The following CFAP69 variants were observed in gnomAD, a reference collection of about 807,000 sequenced individuals.
CFAP69 encodes the protein cilia and flagella associated protein 69.
CFAP69 carries 92 observed loss-of-function variants against 123.0 expected under a neutral mutation model. The ratio of observed to expected loss-of-function variants is 0.75; its 90% CI spans 0.63 to 0.89. The LOEUF (loss-of-function observed/expected upper bound fraction) is 0.89, where lower values mean the gene tolerates loss of function less well. Ranked by LOEUF, CFAP69 falls within the 40% of genes least tolerant of loss-of-function variation. CFAP69 has a pLI of 0.00. For missense variants in CFAP69, 1,067 were observed against 1,096.9 expected (o/e 0.97, Z 0.39); for synonymous variants, 380 against 364.3 (o/e 1.04, Z -0.49).
intron 1 of CFAP69, among the ~76,000 whole-genome samples, chr7:90,252,987 A>G (rs1007649798): frequency 2.0e-5 from 3 of 152,232 alleles, no homozygotes; most frequent in African/African-American, 7.2e-5. Flanking sequence ...GAAATTGTGT[A>G]AAATACTTAT....
Position 90,310,428 on chromosome 7 carries a change from G to A in CFAP69, c.*190G>A, listed in dbSNP as rs1173996431. 5 of 322,222 alleles carry A rather than the reference G, an allele frequency of 1.6e-5. No homozygotes were observed. The allele number at this position is 322,222 out of a possible 1,614,324, so 20.0% of individuals were successfully genotyped here. A position where few individuals can be genotyped will look rare whatever the true frequency, so the allele number is the denominator to read the frequency against. On this transcript the variant is annotated 3_prime_UTR_variant, in exon 23 of 23. Coordinates refer to ENST00000389297, the MANE Select transcript of CFAP69 (RefSeq NM_001039706.3). ...ATCAACATGTAATATCAGAAGAGTT[G>A]TCATCAGTTTCTTTGGAAAGGCTAC...
downstream of CFAP69, among the ~76,000 whole-genome samples, chr7:90,315,436 G>A (rs547679487): frequency 4.6e-5 from 7 of 152,308 alleles, no homozygotes; most frequent in African/African-American, 1.7e-4. Flanking sequence ...AAAAGAATGA[G>A]ATCATGTCTT....
At position 90,300,068 on chromosome 7, in the gene CFAP69, AT is replaced by A; in HGVS notation, c.2050+12del. 1 of 1,541,294 alleles carries A rather than the reference AT, an allele frequency of 6.5e-7. No individual in the cohort carries two copies. The highest frequency in any genetic ancestry group is 1.3e-5 in the South Asian group (1 of 79,930). On this transcript the variant is annotated intron_variant, in intron 17 of 22. Transcript: ENST00000389297. ...AAATGGGAAGATCATTGGTGAGTAT[AT>A]TTATAATTGTTAGTAGAAGCAATTA...
chr7:90,313,915 C>T (rs1465544106), downstream of CFAP69, among the ~76,000 whole-genome samples: 1 of 152,176 alleles, frequency 6.6e-6, no homozygotes, highest in Non-Finnish European at 1.5e-5. Context: ...CTGGCAAACA[C>T]TACCTAAGCC....
At position 90,277,423 on chromosome 7, in the gene CFAP69, C is replaced by A. The variant is rs28947506; in HGVS notation, c.1155+89C>A. 3.6e-6 allele frequency: 4 copies of A among 1,117,962 alleles called. No homozygotes were observed. The East Asian group carries it at 8.7e-5, about 24-fold the overall frequency. 69.3% of individuals were successfully genotyped at this position (1,117,962 alleles called of 1,614,324 possible). On this transcript the variant is annotated intron_variant, in intron 11 of 22. Coordinates refer to ENST00000389297, the MANE Select transcript of CFAP69 (RefSeq NM_001039706.3). ...AAAGTCTTGACTGTAAATATTTTAT[C>A]GGTTCATATATTTACCACAGAAAGC... is the stretch of plus-strand genomic sequence containing the variant.
intron 5 of CFAP69, 24 bp from the exon 6 acceptor site, chr7:90,268,262 A>T: frequency 6.8e-7 from 1 of 1,461,790 alleles, no homozygotes; most frequent in Non-Finnish European, 9.5e-7. Flanking sequence ...GTTGTTAAAT[A>T]GCACCTGTTT....
chr7:90,247,674 C>A (rs969257763), intron 1 of CFAP69, among the ~76,000 whole-genome samples: 17 of 151,914 alleles, frequency 1.1e-4, no homozygotes, highest in African/African-American at 3.9e-4. Flanking sequence ...GGTGAAACCC[C>A]GTCTCTACTA....
intron 1 of CFAP69, among the ~76,000 whole-genome samples, chr7:90,251,737 G>A (rs1473508204): frequency 1.1e-4 from 16 of 152,062 alleles, no homozygotes; most frequent in Admixed American, 9.8e-4. Flanking sequence ...GGGAGAGAGA[G>A]AAATCTTTAA....
intron 14 of CFAP69, chr7:90,287,721 C>T (rs1790510051): frequency 8.1e-6 from 8 of 985,420 alleles, no homozygotes; most frequent in African/African-American, 1.8e-5. Context: ...TACTGGGAAC[C>T]AGAACTGAAC....
rs560701947 is a variant in CFAP69 at position 90,310,276 on chromosome 7, A to G, written c.*38A>G. 6.7e-7 allele frequency: 1 copy of G among 1,491,066 alleles called. No individual in the cohort carries two copies. Among genetic ancestry groups the G allele is most frequent in the South Asian group, 1.3e-5 (1 of 74,344 alleles). 92.4% of individuals were successfully genotyped at this position (1,491,066 alleles called of 1,614,324 possible). On this transcript the variant is annotated 3_prime_UTR_variant, in exon 23 of 23. Coordinates refer to ENST00000389297, the MANE Select transcript of CFAP69 (RefSeq NM_001039706.3). ...ACTTTTTGAAATAAAGTCAGCTTAT[A>G]ATTTTTTAGCTGAATATATCTTTAT...
At chr7:90,313,856 A>G (rs1310792776), downstream of CFAP69, among the ~76,000 whole-genome samples, 1 of 152,178 alleles carries the variant, frequency 6.6e-6, no homozygotes, top group African/African-American at 2.4e-5. Context: ...TTCTTTCCAG[A>G]GGATGTAATA....
rs778617790 is a variant in CFAP69, at chr7:90,245,546, T to C, written c.120+2T>C. On this transcript the variant is annotated splice_donor_variant, in intron 1 of 22. Transcript: ENST00000389297. LOFTEE classifies it high-confidence loss of function. ...GTGACGGAGGACGATGAGGCGCAGG[T>C]ATGAGCAGGTGTCTGTGCTTTCAGA... 134 of 1,494,884 alleles carry C rather than the reference T, an allele frequency of 9.0e-5. No individual in the cohort carries two copies. Among genetic ancestry groups the C allele is most frequent in the South Asian group, 6.9e-4 (51 of 74,396 alleles). The allele number at this position is 1,494,884 out of a possible 1,614,324, so 92.6% of individuals were successfully genotyped here.
intron 1 of CFAP69, among the ~76,000 whole-genome samples, chr7:90,247,526 C>T (rs1389644153): frequency 6.6e-6 from 1 of 152,140 alleles, no homozygotes; most frequent in African/African-American, 2.4e-5. Flanking sequence ...AATGACAGTA[C>T]TCATGTCCAT....
intron 5 of CFAP69, among the ~76,000 whole-genome samples, chr7:90,266,400 T>A (rs17863056): frequency 0.036 from 5,455 of 152,182 alleles, 129 homozygotes; most frequent in South Asian, 0.11. Context: ...TTTAATTATG[T>A]GAATCTCTAT....
At chr7:90,307,209 AT>A in intron 20 of CFAP69, 111 bp downstream of exon 20, 1 of 725,046 alleles carries the variant, frequency 1.4e-6, no homozygotes, top group Non-Finnish European at 2.4e-6. Context: ...TAGGACAACT[AT>A]AGTAACAATA....
rs191980798 is a variant in CFAP69, at chr7:90,282,420, T to C, written c.1373-472T>C. On this transcript the variant is annotated intron_variant, in intron 12 of 22. Transcript: ENST00000389297. Reference sequence around the variant, plus strand: ...CACCTTGGAAAACAATTTAGCACCTTTAGTAAAATTCAATGTGGATGTATC... The same window carrying C: ...CACCTTGGAAAACAATTTAGCACCTCTAGTAAAATTCAATGTGGATGTATC... Among the ~76,000 whole-genome samples the C allele has an allele frequency of 9.2e-5, 14 of 152,240 alleles. No individual in the cohort carries two copies. The East Asian group carries it at 2.5e-3, about 27-fold the overall frequency.
chr7:90,278,061 T>C (rs1394178265), intron 11 of CFAP69, among the ~76,000 whole-genome samples: 1 of 152,116 alleles, frequency 6.6e-6, no homozygotes, highest in Non-Finnish European at 1.5e-5. Flanking sequence ...GTTACTGCAT[T>C]AAGTGAAATT....
intron 9 of CFAP69, among the ~76,000 whole-genome samples, chr7:90,275,520 A>C (rs555933332): frequency 6.8e-6 from 1 of 146,592 alleles, no homozygotes; most frequent in South Asian, 2.2e-4. Context: ...GGCCACTAAG[A>C]CCACAGGGTT....
chr7:90,322,741 T>C, the CFAP69 span: 5 of 152,212 alleles, frequency 3.3e-5, no homozygotes, highest in African/African-American at 7.2e-5. Flanking sequence ...TTAAAATGCA[T>C]TTTTAAAGAA....
Sources: allele counts gnomAD v4.1 joint callset (sites outside exome capture counted in the v4.1 genomes callset), GRCh38; gene constraint gnomAD v4.1.1; transcripts MANE v1.5; gene names NCBI Gene and HGNC (gene_info 2026-07-23, HGNC 2026-07-21).